Variants in HIVEP1 observed in about 807,000 individuals in gnomAD.
HIVEP1 encodes the protein HIVEP zinc finger 1.
HIVEP1 carries 36 observed loss-of-function variants against 180.0 expected under a neutral mutation model. The observed-to-expected ratio is 0.20, with a 90% CI of 0.15 to 0.26. HIVEP1 has a LOEUF of 0.26. Among genes scored for constraint, HIVEP1 ranks in the 10% least tolerant of loss-of-function variants. HIVEP1 has a pLI of 1.00. For missense variants in HIVEP1, 3,143 were observed against 3,268.7 expected (o/e 0.96, Z 0.94); for synonymous variants, 1,239 against 1,239.0 (o/e 1.00, Z 0.00).
chr6:12,014,490 T>G (rs1366449069), intron 1 of HIVEP1, among the ~76,000 whole-genome samples: 1 of 152,258 alleles, frequency 6.6e-6, no homozygotes, highest in Non-Finnish European at 1.5e-5. Context: ...AGTGTTCTCT[T>G]GTCTTCTACA....
chr6:12,101,846 G>A (rs1378527270), intron 3 of HIVEP1, among the ~76,000 whole-genome samples: 1 of 151,980 alleles, frequency 6.6e-6, no homozygotes. Context: ...ACTATACACT[G>A]TCTGCACTGG....
Position 12,017,276 on chromosome 6 carries a change from C to G in HIVEP1, c.40+1608C>G, listed in dbSNP as rs143163290. Among the ~76,000 whole-genome samples, 806 of 152,280 alleles carry G rather than the reference C, an allele frequency of 5.3e-3. 2 individuals carry two copies. Among genetic ancestry groups the G allele is most frequent in the South Asian group, 0.014 (67 of 4,828 alleles). On this transcript the variant is annotated intron_variant, in intron 2 of 8. Coordinates refer to ENST00000379388, the MANE Select transcript of HIVEP1 (RefSeq NM_002114.4). ...CTCACTGACTTCAAGAATGAAGCCA[C>G]AGGCCCTCGCCGTGAGTGTTATAGC...
upstream of HIVEP1, among the ~76,000 whole-genome samples, chr6:12,011,550 C>A (rs1242840142): frequency 6.6e-6 from 1 of 150,742 alleles, no homozygotes; most frequent in East Asian, 2.0e-4. Context: ...GGCTCCCGCC[C>A]CCCGCGTCCC....
chr6:12,013,844 C>G (rs1767563345), intron 1 of HIVEP1, among the ~76,000 whole-genome samples: 1 of 151,862 alleles, frequency 6.6e-6, no homozygotes, highest in Non-Finnish European at 1.5e-5. Context: ...ATTATTTTAC[C>G]ATGTAGTTAA....
chr6:12,094,141 T>C (rs1773652447), intron 3 of HIVEP1, among the ~76,000 whole-genome samples: 1 of 152,056 alleles, frequency 6.6e-6, no homozygotes, highest in Non-Finnish European at 1.5e-5. Context: ...TTTTCTTTTG[T>C]AAAATTGTTT....
the HIVEP1 span, among the ~76,000 whole-genome samples, chr6:12,180,012 A>AT: frequency 6.6e-6 from 1 of 152,220 alleles, no homozygotes; most frequent in Non-Finnish European, 1.5e-5. Flanking sequence ...AATAAGCTTT[A>AT]TATCAATATG....
intron 7 of HIVEP1, among the ~76,000 whole-genome samples, chr6:12,142,584 A>G (rs10947793): frequency 0.28 from 42,654 of 151,986 alleles, 6,940 homozygotes; most frequent in Non-Finnish European, 0.37. Flanking sequence ...GAAAAAATCA[A>G]TGAATCCAGG....
the HIVEP1 span, among the ~76,000 whole-genome samples, chr6:12,198,775 C>T: frequency 3.9e-5 from 6 of 152,264 alleles, no homozygotes; most frequent in South Asian, 4.1e-4. Flanking sequence ...GGGGAAAGAA[C>T]GCTTCTGGGG....
chr6:12,012,305 T>G (rs1486629662), upstream of HIVEP1: 1 of 144,738 alleles, frequency 6.9e-6, no homozygotes, highest in Non-Finnish European at 1.5e-5. Flanking sequence ...TGCTGGGTGG[T>G]GTGAGCGCCA....
chr6:12,036,864 C>T (rs1475432318), intron 2 of HIVEP1, among the ~76,000 whole-genome samples: 3 of 152,198 alleles, frequency 2.0e-5, no homozygotes, highest in Admixed American at 6.5e-5. Context: ...GCTGAGATTG[C>T]ACCACTGCAC....
intron 2 of HIVEP1, among the ~76,000 whole-genome samples, chr6:12,030,358 C>T (rs1016447316): frequency 6.6e-6 from 1 of 151,796 alleles, no homozygotes; most frequent in Non-Finnish European, 1.5e-5. Context: ...AGTTTTTGGC[C>T]ATTATTTCTT....
Position 12,164,987 on chromosome 6 carries a change from T to C in HIVEP1, c.*526T>C. 1 of 355,818 alleles carries C rather than the reference T, an allele frequency of 2.8e-6. No individual in the cohort carries two copies. Among genetic ancestry groups the C allele is most frequent in the South Asian group, 2.4e-5 (1 of 41,826 alleles). The allele number at this position is 355,818 out of a possible 1,614,324, so 22.0% of individuals were successfully genotyped here. A position where few individuals can be genotyped will look rare whatever the true frequency, so the allele number is the denominator to read the frequency against. ...TATGAAATGTTTCAGTAAAATATTG[T>C]TTACTGACTTTACCATTGCTTCAGT... On this transcript the variant is annotated 3_prime_UTR_variant, in exon 9 of 9. Transcript: ENST00000379388.
intron 7 of HIVEP1, among the ~76,000 whole-genome samples, chr6:12,159,597 A>C (rs1340426358): frequency 6.6e-6 from 1 of 152,170 alleles, no homozygotes; most frequent in African/African-American, 2.4e-5. Context: ...ACCTATAAAA[A>C]ATTTTTAAAA....
chr6:12,092,987 C>A (rs1178482923), intron 3 of HIVEP1, among the ~76,000 whole-genome samples: 1 of 152,012 alleles, frequency 6.6e-6, no homozygotes, highest in East Asian at 1.9e-4. Flanking sequence ...AAGTATTTGC[C>A]TTATTTGGGC....
At chr6:12,162,866 T>C (rs1760492236) in intron 8 of HIVEP1, among the ~76,000 whole-genome samples, 1 of 152,220 alleles carries the variant, frequency 6.6e-6, no homozygotes. Flanking sequence ...CATAGCCAAC[T>C]TGAATCTCAA....
chr6:12,054,833 G>A (rs1198130117), intron 2 of HIVEP1, among the ~76,000 whole-genome samples: 1 of 152,110 alleles, frequency 6.6e-6, no homozygotes, highest in African/African-American at 2.4e-5. Context: ...CCTAATTCAG[G>A]GTTGTGATAT....
chr6:12,032,307 T>A (rs973415496), intron 2 of HIVEP1, among the ~76,000 whole-genome samples: 1 of 151,824 alleles, frequency 6.6e-6, no homozygotes, highest in Non-Finnish European at 1.5e-5. Context: ...CCCGGCTAAT[T>A]TTTTGTATTT....
rs191301261 is a variant in HIVEP1, at chr6:12,089,393, G to A, written c.94+156G>A. On this transcript the variant is annotated intron_variant, in intron 3 of 8. Transcript: ENST00000379388. ...TGATACTTAAAATGTTGTGGACTTT[G>A]CTTCATGAAACATTTTAGCCACATA... is the stretch of plus-strand genomic sequence containing the variant. Among the ~76,000 whole-genome samples, 904 of 152,178 alleles carry A rather than the reference G, an allele frequency of 5.9e-3. 2 individuals are homozygous for A. The highest frequency in any genetic ancestry group is 9.7e-3 in the Non-Finnish European group (657 of 67,992).
At chr6:12,029,041 A>G (rs887594632) in intron 2 of HIVEP1, among the ~76,000 whole-genome samples, 4 of 152,154 alleles carry the variant, frequency 2.6e-5, no homozygotes, top group Non-Finnish European at 5.9e-5. Context: ...CTTACCTTTT[A>G]TCGCTACATA....
Sources: gnomAD v4.1 joint callset for allele counts (sites outside exome capture counted in the v4.1 genomes callset) on GRCh38, gnomAD v4.1.1 for gene constraint, MANE v1.5 for transcripts, NCBI Gene and HGNC (gene_info 2026-07-23, HGNC 2026-07-21) for gene names.